ODAPH: variants seen among roughly 807,000 people sequenced by gnomAD.
ODAPH encodes amelogenesis imperfecta type IIA4.
A neutral mutation model predicts 2.8 loss-of-function variants in ODAPH; 2 were observed. The ratio of observed to expected loss-of-function variants is 0.72; its 90% CI spans 0.30 to 2.28. ODAPH has a LOEUF of 2.28. ODAPH is among the 30% of genes most tolerant of loss of function. The pLI, the probability that ODAPH is intolerant of heterozygous loss-of-function variation, is 0.13. For missense variants in ODAPH, 159 were observed against 163.3 expected (o/e 0.97, Z 0.14); for synonymous variants, 75 against 60.3 (o/e 1.24, Z -1.13).
At chr4:75,556,650 C>A in intron 1 of ODAPH, 1 of 1,169,620 alleles carries the variant, frequency 8.5e-7, no homozygotes, top group Non-Finnish European at 1.2e-6. Flanking sequence ...TTTGGTGCCA[C>A]AGAGGTGGGC....
In ODAPH at chr4:75,564,166, T is replaced by C. The variant is rs1436973639; in HGVS notation, c.120T>C (p.Ala40=). The C allele has an allele frequency of 6.2e-7, 1 of 1,614,150 alleles. No individual in the cohort carries two copies. Among genetic ancestry groups the C allele is most frequent in the South Asian group, 1.1e-5 (1 of 91,084 alleles). ...PPGDSQNNAD[A]TDCQIFTLTP... is the part of the protein sequence containing the mutation. ...GAGATTCACAAAATAATGCGGACGCTACCGACTGCCAGATCTTTACACTCA... is the reference window on the plus strand; with the variant it reads ...GAGATTCACAAAATAATGCGGACGCCACCGACTGCCAGATCTTTACACTCA... The change falls in exon 2 of 2, where the codon GCT becomes GCC. Residue 40 remains alanine, a synonymous_variant. Coordinates refer to ENST00000311623, the MANE Select transcript of ODAPH (RefSeq NM_178497.5).
At position 75,564,672 on chromosome 4, in the gene ODAPH, C is replaced by T. The variant is rs184358195; in HGVS notation, c.*233C>T. 6 of 775,386 alleles carry T rather than the reference C, an allele frequency of 7.7e-6. No individual in the cohort carries two copies. The East Asian group carries it at 1.6e-4, about 21-fold the overall frequency. 48.0% of individuals were successfully genotyped at this position (775,386 alleles called of 1,614,324 possible). On this transcript the variant is annotated 3_prime_UTR_variant, in exon 2 of 2. Transcript: ENST00000311623. ...TAACCACGTTATTTTTATCCTCAAC[C>T]TCTTATGGTCACAGGATATTTATGC...
At position 75,556,497 on chromosome 4, in the gene ODAPH, A is replaced by G. The variant is rs940743490; in HGVS notation, c.67+348A>G. ...AAGCTAAAAACACTGTACAAATACT[A>G]GTTATTATGGTTACAAAGCTAACAA... On this transcript the variant is annotated intron_variant, in intron 1 of 1. Coordinates refer to ENST00000311623, the MANE Select transcript of ODAPH (RefSeq NM_178497.5). The G allele has an allele frequency of 5.4e-6, 8 of 1,476,312 alleles. No individual in the cohort carries two copies. The Admixed American group carries it at 9.8e-5, about 18-fold the overall frequency. 91.5% of individuals were successfully genotyped at this position (1,476,312 alleles called of 1,614,324 possible). A position where few individuals can be genotyped will look rare whatever the true frequency, so the allele number is the denominator to read the frequency against.
chr4:75,556,068 T>C lies in ODAPH; in HGVS notation c.-15T>C, dbSNP rs745879376. On this transcript the variant is annotated 5_prime_UTR_variant, in exon 1 of 2. Coordinates refer to ENST00000311623, the MANE Select transcript of ODAPH (RefSeq NM_178497.5). ...GCAACATCAGGTTCAACGCAGTGAC[T>C]GCTCAGTAGAAGCCATGGCTCGCAG... 2.5e-6 allele frequency: 4 copies of C among 1,613,746 alleles called. No homozygotes were observed. In the East Asian group the frequency reaches 6.7e-5, roughly 27 times the overall value.
At chr4:75,565,516 A>C (rs1370412346), downstream of ODAPH, 1 of 152,208 alleles carries the variant, frequency 6.6e-6, no homozygotes, top group African/African-American at 2.4e-5. Flanking sequence ...AACTCCACAG[A>C]GATAAGTTCA....
At position 75,559,659 on chromosome 4, in the gene ODAPH, A is replaced by G. The variant is rs546523895; in HGVS notation, c.67+3510A>G. Among the ~76,000 whole-genome samples, 7 of 152,362 alleles carry G rather than the reference A, an allele frequency of 4.6e-5. No homozygotes were observed. In the South Asian group the frequency reaches 1.2e-3, roughly 27 times the overall value. On this transcript the variant is annotated intron_variant, in intron 1 of 1. Coordinates refer to ENST00000311623, the MANE Select transcript of ODAPH (RefSeq NM_178497.5). ...AGAAGAGCTCTCATCTTTGACATCC[A>G]GTGCCTTTGATAGCATGTCAGTATG...
Position 75,564,387 on chromosome 4 carries a change from G to C in ODAPH, c.341G>C (p.Arg114Thr). ...FYWPHRYLTY[R>T]YFPRRRLQRG... ...TGGCCACACCGTTACCTTACTTATAGGTATTTCCCCAGAAGAAGACTCCAG... is the reference window on the plus strand; with the variant it reads ...TGGCCACACCGTTACCTTACTTATACGTATTTCCCCAGAAGAAGACTCCAG... The change falls in exon 2 of 2, where the codon AGG becomes ACG. Residue 114 changes from arginine (R) to threonine (T), a missense_variant. By Grantham distance (71) the Arg-to-Thr change is moderately conservative (BLOSUM62 -1). Coordinates refer to ENST00000311623, the MANE Select transcript of ODAPH (RefSeq NM_178497.5). The C allele has an allele frequency of 6.2e-7, 1 of 1,614,122 alleles. No individual in the cohort carries two copies. The highest frequency in any genetic ancestry group is 8.5e-7 in the Non-Finnish European group (1 of 1,180,044).
At position 75,560,099 on chromosome 4, in the gene ODAPH, C is replaced by A. The variant is rs1455274882; in HGVS notation, c.67+3950C>A. Among the ~76,000 whole-genome samples, 4 of 152,034 alleles carry A rather than the reference C, an allele frequency of 2.6e-5. No individual in the cohort carries two copies. The East Asian group carries it at 7.7e-4, about 29-fold the overall frequency. ...AGCCCAGGACAATTGATGACTTTTG[C>A]CAAAGTGGTTTTTGGAGAGGGAAGG... On this transcript the variant is annotated intron_variant, in intron 1 of 1. Transcript: ENST00000311623.
chr4:75,561,668 G>A (rs1727581268), intron 1 of ODAPH, among the ~76,000 whole-genome samples: 1 of 152,106 alleles, frequency 6.6e-6, no homozygotes, highest in South Asian at 2.1e-4. Flanking sequence ...CCAACATGGG[G>A]AAACCCCATC....
intron 1 of ODAPH, among the ~76,000 whole-genome samples, chr4:75,557,680 G>A (rs770264109): frequency 1.3e-5 from 2 of 152,142 alleles, no homozygotes; most frequent in Non-Finnish European, 2.9e-5. Flanking sequence ...TTTGATTTCC[G>A]AATTTGGCTC....
In ODAPH at chr4:75,556,074, G is replaced by C. The variant is rs770012407; in HGVS notation, c.-9G>C. The C allele has an allele frequency of 2.5e-6, 4 of 1,613,874 alleles. No individual in the cohort carries two copies. In the Admixed American group the frequency reaches 6.7e-5, roughly 27 times the overall value. On this transcript the variant is annotated 5_prime_UTR_variant, in exon 1 of 2. Coordinates refer to ENST00000311623, the MANE Select transcript of ODAPH (RefSeq NM_178497.5). ...TCAGGTTCAACGCAGTGACTGCTCAGTAGAAGCCATGGCTCGCAGACACTG... is the reference window on the plus strand; with the variant it reads ...TCAGGTTCAACGCAGTGACTGCTCACTAGAAGCCATGGCTCGCAGACACTG...
Position 75,564,399 on chromosome 4 carries a change from GA to G in ODAPH, c.355del (p.Arg119GlufsTer44), listed in dbSNP as rs1560563016. 6.2e-7 allele frequency: 1 copy of G among 1,614,082 alleles called. No individual in the cohort carries two copies. The highest frequency in any genetic ancestry group is 1.7e-5 in the Admixed American group (1 of 60,010). On this transcript the variant is annotated frameshift_variant, in exon 2 of 2. Transcript: ENST00000311623. LOFTEE classifies it high-confidence loss of function. ...HRYLTYRYFP[R>X]RRLQRGSSSE... ...TACCTTACTTATAGGTATTTCCCCA[GA>G]AGAAGACTCCAGAGAGGAAGCTCAT...
chr4:75,564,726 G>C lies in ODAPH; in HGVS notation c.*287G>C. The C allele has an allele frequency of 1.7e-6, 1 of 589,306 alleles. No homozygotes were observed. The highest frequency in any genetic ancestry group is 2.9e-6 in the Non-Finnish European group (1 of 339,046). 36.5% of individuals were successfully genotyped at this position (589,306 alleles called of 1,614,324 possible). A position where few individuals can be genotyped will look rare whatever the true frequency, so the allele number is the denominator to read the frequency against. On this transcript the variant is annotated 3_prime_UTR_variant, in exon 2 of 2. Coordinates refer to ENST00000311623, the MANE Select transcript of ODAPH (RefSeq NM_178497.5). ...TAAAATCTTTAAATGGGTGGCTCTA[G>C]TAATTCCTATCCATACTAAGATGCT...
chr4:75,558,684 T>TTTTG (rs1304868926), intron 1 of ODAPH, among the ~76,000 whole-genome samples: 3 of 152,160 alleles, frequency 2.0e-5, no homozygotes, highest in South Asian at 2.1e-4. Flanking sequence ...ACTCTAATTT[T>TTTTG]TTTGTTTGTT....
chr4:75,556,744 T>A (rs1727352323), intron 1 of ODAPH, among the ~76,000 whole-genome samples: 1 of 152,152 alleles, frequency 6.6e-6, no homozygotes, highest in Non-Finnish European at 1.5e-5. Context: ...ACAAAATGTG[T>A]CCTGAGCCTT....
chr4:75,562,501 G>A (rs954747786), intron 1 of ODAPH, among the ~76,000 whole-genome samples: 2 of 151,982 alleles, frequency 1.3e-5, no homozygotes, highest in South Asian at 2.1e-4. Flanking sequence ...CACCACGCCC[G>A]GCTAATTTTT....
intron 1 of ODAPH, chr4:75,556,670 T>C (rs746449221): frequency 2.1e-4 from 206 of 966,492 alleles, no homozygotes; most frequent in Non-Finnish European, 3.2e-4. Flanking sequence ...CACAGGTTTC[T>C]TTCTTTAGGA....
intron 1 of ODAPH, among the ~76,000 whole-genome samples, chr4:75,561,355 G>T (rs571398426): frequency 6.6e-6 from 1 of 151,956 alleles, no homozygotes; most frequent in Non-Finnish European, 1.5e-5. Flanking sequence ...GTCGTTTTCT[G>T]CAGTTTAAAG....
At chr4:75,561,223 CAAAAAAA>C (rs35040152) in intron 1 of ODAPH, among the ~76,000 whole-genome samples, 1 of 62,700 alleles carries the variant, frequency 1.6e-5, no homozygotes, top group East Asian at 5.8e-4. Context: ...AACTCAATCT[CAAAAAAA>C]AAAAAAAAAA....
Sources: gnomAD v4.1 joint callset for allele counts (sites outside exome capture counted in the v4.1 genomes callset) on GRCh38, gnomAD v4.1.1 for gene constraint, MANE v1.5 for transcripts, NCBI Gene and HGNC (gene_info 2026-07-23, HGNC 2026-07-21) for gene names.